Variants in TBC1D9 observed in about 807,000 individuals in gnomAD.
TBC1D9 encodes the protein TBC1 domain family member 9A.
TBC1D9 carries 63 observed loss-of-function variants against 132.0 expected under a neutral mutation model. That is an observed-to-expected ratio of 0.48 (90% CI 0.39 to 0.59). TBC1D9 has a LOEUF of 0.59. Among genes scored for constraint, TBC1D9 ranks in the 20% least tolerant of loss-of-function variants. TBC1D9 has a pLI of 0.00. For synonymous variants in TBC1D9, 610 were observed against 609.9 expected, an observed-to-expected ratio of 1.00 and a Z score of 0.00; for missense variants, 1,261 against 1,592.7, an observed-to-expected ratio of 0.79 and a Z score of 3.54.
chr4:140,658,107 A>G (rs1176626888), intron 11 of TBC1D9, among the ~76,000 whole-genome samples: 1 of 152,240 alleles, frequency 6.6e-6, no homozygotes, highest in Non-Finnish European at 1.5e-5. Context: ...GTGACATACA[A>G]TTAGTTATTT....
At chr4:140,659,822 C>T (rs994694869) in intron 10 of TBC1D9, 117 bp from the exon 11 acceptor site, 10 of 675,656 alleles carry the variant, frequency 1.5e-5, no homozygotes, top group African/African-American at 7.2e-5. Flanking sequence ...CTGTGAAAAG[C>T]GAGATAAATA....
intron 1 of TBC1D9, among the ~76,000 whole-genome samples, chr4:140,743,240 C>A (rs1182601680): frequency 6.6e-6 from 1 of 152,170 alleles, no homozygotes; most frequent in Non-Finnish European, 1.5e-5. Flanking sequence ...TCTTCCATTA[C>A]TCACACATTG....
At chr4:140,712,449 A>AATACATATATATATATATATATATATAT in intron 1 of TBC1D9, among the ~76,000 whole-genome samples, 1 of 102,706 alleles carries the variant, frequency 9.7e-6, no homozygotes, top group East Asian at 3.4e-4. Context: ...AAAAAAAAAG[A>AATACATATATATATATATATATATATAT]ATATATATAT....
rs147298176 is a variant in TBC1D9 at position 140,744,954 on chromosome 4, T to G, written c.130+10962A>C. 2.6e-3 allele frequency among the ~76,000 whole-genome samples: 396 copies of G among 151,678 alleles called. 1 individual carries two copies. The highest frequency in any genetic ancestry group is 1.6e-3 in the East Asian group (8 of 5,150). On this transcript the variant is annotated intron_variant, in intron 1 of 20. Transcript: ENST00000442267. Reference sequence around the variant, plus strand: ...ACCTTTACCCAGTCACTCCTTTCTATTCACAACTCCTATCTTAACCCAGTC... The same window carrying G: ...ACCTTTACCCAGTCACTCCTTTCTAGTCACAACTCCTATCTTAACCCAGTC...
At chr4:140,671,712 G>GTGTGTGTGTGTA (rs766300047) in intron 6 of TBC1D9, among the ~76,000 whole-genome samples, 2,067 of 147,734 alleles carry the variant, frequency 0.014, 36 homozygotes, top group African/African-American at 0.047. Flanking sequence ...GTGTGTGTGT[G>GTGTGTGTGTGTA]TGTGCCGAAG....
At chr4:140,708,676 A>T (rs1023704476) in intron 1 of TBC1D9, among the ~76,000 whole-genome samples, 1 of 152,170 alleles carries the variant, frequency 6.6e-6, no homozygotes, top group African/African-American at 2.4e-5. Context: ...TAAATGCGCC[A>T]GAGTTCCTAG....
At chr4:140,697,598 T>C (rs956206419) in intron 2 of TBC1D9, among the ~76,000 whole-genome samples, 1 of 152,232 alleles carries the variant, frequency 6.6e-6, no homozygotes, top group African/African-American at 2.4e-5. Flanking sequence ...CAATAATTTA[T>C]GCCATCAGCA....
At chr4:140,644,932 T>A in intron 13 of TBC1D9, 1 of 449,882 alleles carries the variant, frequency 2.2e-6, no homozygotes, top group South Asian at 1.7e-5. Flanking sequence ...GCAGGGGCCA[T>A]GCCCTAGTGC....
chr4:140,682,973 A>G (rs748538459), intron 3 of TBC1D9, among the ~76,000 whole-genome samples: 4 of 152,082 alleles, frequency 2.6e-5, no homozygotes, highest in African/African-American at 7.2e-5. Flanking sequence ...TGCAACCTCC[A>G]TCTCCTGGGT....
chr4:140,703,058 A>C (rs1738096598), intron 1 of TBC1D9, among the ~76,000 whole-genome samples: 2 of 152,212 alleles, frequency 1.3e-5, no homozygotes, highest in Non-Finnish European at 2.9e-5. Context: ...AGGCCACCTG[A>C]AAAAAACCTG....
chr4:140,752,226 G>C (rs1456283469), intron 1 of TBC1D9, among the ~76,000 whole-genome samples: 1 of 152,076 alleles, frequency 6.6e-6, no homozygotes, highest in African/African-American at 2.4e-5. Context: ...TCATATCATA[G>C]TTTTCTACAC....
Position 140,756,112 on chromosome 4 carries a change from C to A in TBC1D9, c.-67G>T, listed in dbSNP as rs1301086761. 7.8e-6 allele frequency: 11 copies of A among 1,412,062 alleles called. No individual in the cohort carries two copies. Among genetic ancestry groups the A allele is most frequent in the Non-Finnish European group, 1.0e-5 (11 of 1,052,518 alleles). The allele number at this position is 1,412,062 out of a possible 1,614,324, so 87.5% of individuals were successfully genotyped here. ...TCCAGTCCTGCACCCACCACCGCGA[C>A]AGGCGCGCACTCCTGGGCACACGCG... On this transcript the variant is annotated 5_prime_UTR_variant, in exon 1 of 21. Coordinates refer to ENST00000442267, the MANE Select transcript of TBC1D9 (RefSeq NM_015130.3). The surrounding 1 kb of genome is among the most constrained non-coding windows in gnomAD (Gnocchi z 5.6).
At chr4:140,718,000 G>T (rs1267906825) in intron 1 of TBC1D9, among the ~76,000 whole-genome samples, 1 of 152,120 alleles carries the variant, frequency 6.6e-6, no homozygotes, top group Non-Finnish European at 1.5e-5. Flanking sequence ...AAAATAGGTA[G>T]AAAGCTCTGT....
chr4:140,668,401 G>T (rs769493915), intron 9 of TBC1D9, among the ~76,000 whole-genome samples: 2 of 152,150 alleles, frequency 1.3e-5, no homozygotes, highest in Non-Finnish European at 2.9e-5. Context: ...TTTATTTCCA[G>T]TGCAGACTCT....
intron 9 of TBC1D9, 74 bp downstream of exon 9, chr4:140,668,843 C>A: frequency 1.3e-6 from 2 of 1,530,740 alleles, no homozygotes; most frequent in Admixed American, 1.8e-5. Flanking sequence ...TGAGGCATGA[C>A]TGAAGGCACA....
At chr4:140,692,544 C>A (rs1737892375) in intron 2 of TBC1D9, among the ~76,000 whole-genome samples, 1 of 151,972 alleles carries the variant, frequency 6.6e-6, no homozygotes, top group Non-Finnish European at 1.5e-5. Flanking sequence ...TCAGAGAGGG[C>A]AAAAGACAAA....
rs376645739 is a variant in TBC1D9, at chr4:140,657,081, A to C, written c.2337+16T>G. ...ATGCATGGTTAAGCCCTGCTCAGCC[A>C]GGAGACAAGACCTACCTCGTAGGAA... On this transcript the variant is annotated intron_variant, in intron 13 of 20. Coordinates refer to ENST00000442267, the MANE Select transcript of TBC1D9 (RefSeq NM_015130.3). 1 of 1,612,488 alleles carries C rather than the reference A, an allele frequency of 6.2e-7. No homozygotes were observed.
intron 2 of TBC1D9, among the ~76,000 whole-genome samples, chr4:140,696,549 T>C (rs966783373): frequency 9.9e-5 from 15 of 150,910 alleles, no homozygotes; most frequent in African/African-American, 3.2e-4. Flanking sequence ...CCGCTTTCTA[T>C]ATGATTCATA....
intron 13 of TBC1D9, chr4:140,643,022 G>A (rs915996572): frequency 1.1e-6 from 1 of 905,540 alleles, no homozygotes; most frequent in Admixed American, 2.5e-5. Flanking sequence ...TGTCCTCCAC[G>A]GAGGACTTCA....
Sources: gnomAD v4.1 joint callset for allele counts (sites outside exome capture counted in the v4.1 genomes callset) on GRCh38, gnomAD v4.1.1 for gene constraint, Gnocchi (gnomAD v3.1) non-coding constraint, MANE v1.5 for transcripts, NCBI Gene and HGNC (gene_info 2026-07-23, HGNC 2026-07-21) for gene names.